NBDY: variants seen among roughly 807,000 people sequenced by gnomAD.
NBDY encodes the protein negative regulator of P-body association.
At chrX:56,783,591 T>A (rs960607639) in intron 2 of NBDY, among the ~76,000 whole-genome samples, 4 of 112,125 alleles carry the variant, frequency 3.6e-5, no homozygotes, top group Non-Finnish European at 7.5e-5. Context: ...AGGTACGATT[T>A]GTTCTAGGGC....
At chrX:56,817,208 T>G (rs2069914719) in intron 2 of NBDY, 112 bp from the exon 3 acceptor site, 1 of 112,363 alleles carries the variant, frequency 8.9e-6, no homozygotes, top group South Asian at 3.7e-4. Flanking sequence ...CTCTTTAACT[T>G]GCTTAATAGG....
At chrX:56,742,128 AAT>A (rs1345490832) in intron 2 of NBDY, among the ~76,000 whole-genome samples, 1 of 111,211 alleles carries the variant, frequency 9.0e-6, no homozygotes, top group Non-Finnish European at 1.9e-5. Context: ...CTTTGTGGAA[AAT>A]GAGTTTGTTA....
chrX:56,787,564 G>A (rs1260988367), intron 2 of NBDY, among the ~76,000 whole-genome samples: 1 of 112,050 alleles, frequency 8.9e-6, no homozygotes, highest in Non-Finnish European at 1.9e-5. Flanking sequence ...TATCAGATAG[G>A]CCCAAGCAGC....
intron 2 of NBDY, among the ~76,000 whole-genome samples, chrX:56,733,358 C>A (rs893416921): frequency 5.4e-5 from 6 of 110,134 alleles, no homozygotes; most frequent in African/African-American, 2.0e-4. Context: ...TTTATACAGT[C>A]ATCTGGTATG....
chrX:56,813,463 C>T (rs2069896784), intron 2 of NBDY, among the ~76,000 whole-genome samples: 1 of 110,897 alleles, frequency 9.0e-6, no homozygotes, highest in Admixed American at 9.6e-5. Flanking sequence ...AGGCAGATGC[C>T]CACAGACCAC....
chrX:56,732,921 C>T (rs2069467066), intron 2 of NBDY, among the ~76,000 whole-genome samples: 1 of 111,050 alleles, frequency 9.0e-6, no homozygotes, highest in South Asian at 3.7e-4. Flanking sequence ...CTTTTGCTTT[C>T]ATCGAGCCTC....
At chrX:56,759,591 G>T (rs763448002) in intron 2 of NBDY, among the ~76,000 whole-genome samples, 5 of 110,593 alleles carry the variant, frequency 4.5e-5, no homozygotes, top group Non-Finnish European at 7.6e-5. Context: ...TAGTGTTTGT[G>T]GAGCCCTACT....
At chrX:56,793,023 C>T (rs1259027224) in intron 2 of NBDY, among the ~76,000 whole-genome samples, 1 of 111,556 alleles carries the variant, frequency 9.0e-6, no homozygotes, top group Non-Finnish European at 1.9e-5. Context: ...GAGCCACCAT[C>T]CTCCCACCCC....
intron 2 of NBDY, among the ~76,000 whole-genome samples, chrX:56,766,601 G>GAA (rs1407771232): frequency 8.9e-6 from 1 of 112,007 alleles, no homozygotes; most frequent in Non-Finnish European, 1.9e-5. Flanking sequence ...ACAGGGGTTC[G>GAA]AAATATGCAA....
At chrX:56,766,289 C>T (rs1399054185) in intron 2 of NBDY, among the ~76,000 whole-genome samples, 1 of 111,527 alleles carries the variant, frequency 9.0e-6, no homozygotes, top group Non-Finnish European at 1.9e-5. Flanking sequence ...GCTCACATTT[C>T]AGTGTGTGCA....
intron 2 of NBDY, among the ~76,000 whole-genome samples, chrX:56,801,366 C>T (rs1204310823): frequency 9.1e-6 from 1 of 109,585 alleles, no homozygotes; most frequent in East Asian, 2.9e-4. Context: ...TCTCCTTCTC[C>T]TTCTCATTTT....
At chrX:56,803,357 TG>T (rs777167173) in intron 2 of NBDY, among the ~76,000 whole-genome samples, 1 of 111,752 alleles carries the variant, frequency 8.9e-6, no homozygotes, top group South Asian at 3.8e-4. Flanking sequence ...AGGGGACCTC[TG>T]GCCCCAGCGT....
intron 2 of NBDY, among the ~76,000 whole-genome samples, chrX:56,809,218 G>A (rs2069872169): frequency 8.9e-6 from 1 of 112,020 alleles, no homozygotes; most frequent in South Asian, 3.7e-4. Flanking sequence ...CTGCTGAGAA[G>A]AATGTATATT....
chrX:56,812,198 C>T (rs2069890584), intron 2 of NBDY, among the ~76,000 whole-genome samples: 1 of 108,824 alleles, frequency 9.2e-6, no homozygotes, highest in Non-Finnish European at 1.9e-5. Flanking sequence ...TCCTATTCCA[C>T]CATCTTGCCA....
chrX:56,738,502 G>C (rs1025647018), intron 2 of NBDY, among the ~76,000 whole-genome samples: 1 of 112,047 alleles, frequency 8.9e-6, no homozygotes, highest in Non-Finnish European at 1.9e-5. Context: ...CTCAACTTTA[G>C]ACATCAGTTT....
chrX:56,810,421 A>G (rs1440791513), intron 2 of NBDY, among the ~76,000 whole-genome samples: 1 of 110,351 alleles, frequency 9.1e-6, no homozygotes, highest in Non-Finnish European at 1.9e-5. Context: ...ACATAGTCCC[A>G]TATTTCTTGG....
chrX:56,765,764 T>C (rs978714797), intron 2 of NBDY, among the ~76,000 whole-genome samples: 2 of 111,017 alleles, frequency 1.8e-5, no homozygotes, highest in African/African-American at 6.6e-5. Flanking sequence ...TTTCTTTTTC[T>C]TCTTTTTCCT....
chrX:56,751,582 A>G (rs576946375), intron 2 of NBDY, among the ~76,000 whole-genome samples: 1 of 112,193 alleles, frequency 8.9e-6, no homozygotes, highest in African/African-American at 3.2e-5. Flanking sequence ...GAATTTGTAC[A>G]TATACTTATA....
At chrX:56,744,149 A>G (rs1034965646) in intron 2 of NBDY, among the ~76,000 whole-genome samples, 3 of 111,118 alleles carry the variant, frequency 2.7e-5, no homozygotes, top group Non-Finnish European at 5.7e-5. Context: ...ATTGATTTCT[A>G]TTTTTATTCC....
Sources: allele counts gnomAD v4.1 joint callset (sites outside exome capture counted in the v4.1 genomes callset), GRCh38; gene constraint gnomAD v4.1.1; transcripts MANE v1.5; gene names NCBI Gene and HGNC (gene_info 2026-07-23, HGNC 2026-07-21).